Variants in SLC38A6 observed in about 807,000 individuals in gnomAD.
The protein encoded by SLC38A6 is solute carrier family 38 member 6, also known as N system amino acid transporter NAT-1.
In SLC38A6, 73 loss-of-function variants were observed where a neutral mutation model predicts 65.0. That is an observed-to-expected ratio of 1.12 (90% CI 0.93 to 1.37). The LOEUF (loss-of-function observed/expected upper bound fraction) is 1.37, where lower values mean the gene tolerates loss of function less well. Ranked by LOEUF, SLC38A6 falls within the 40% of genes most tolerant of loss-of-function variation. SLC38A6 has a pLI of 0.00. For missense variants in SLC38A6, 561 were observed against 531.1 expected (o/e 1.06, Z -0.55); for synonymous variants, 183 against 178.8 (o/e 1.02, Z -0.19).
chr14:61,053,386 T>G (rs1417977591), downstream of SLC38A6, among the ~76,000 whole-genome samples: 1 of 152,176 alleles, frequency 6.6e-6, no homozygotes, highest in Non-Finnish European at 1.5e-5. Flanking sequence ...ATAATTTATG[T>G]TCCTTGGGGT....
At chr14:61,036,933 T>C (rs565179315) in intron 6 of SLC38A6, 126 bp from the exon 7 acceptor site, 10 of 517,284 alleles carry the variant, frequency 1.9e-5, no homozygotes, top group East Asian at 1.7e-4. Flanking sequence ...AGGCTTTTCC[T>C]AATAGCTGGT....
At chr14:60,996,092 G>A (rs560886031) in intron 3 of SLC38A6, among the ~76,000 whole-genome samples, 2 of 152,322 alleles carry the variant, frequency 1.3e-5, no homozygotes, top group Admixed American at 6.5e-5. Context: ...TCTGGTGCAG[G>A]ATGTTGATTG....
At chr14:61,020,249 G>A (rs1237024914) in intron 5 of SLC38A6, among the ~76,000 whole-genome samples, 1 of 152,072 alleles carries the variant, frequency 6.6e-6, no homozygotes, top group Non-Finnish European at 1.5e-5. Flanking sequence ...AAGTTGCGTA[G>A]TGCTGAACAA....
intron 16 of SLC38A6, among the ~76,000 whole-genome samples, chr14:61,080,427 G>T (rs1271865875): frequency 2.0e-5 from 3 of 152,170 alleles, no homozygotes; most frequent in African/African-American, 7.2e-5. Flanking sequence ...ATTTGGAGCT[G>T]ACTCTCTCCT....
At chr14:61,040,049 T>G (rs2041693007) in intron 8 of SLC38A6, among the ~76,000 whole-genome samples, 2 of 151,702 alleles carry the variant, frequency 1.3e-5, no homozygotes, top group South Asian at 2.1e-4. Flanking sequence ...TTTTGGTAAA[T>G]TTACTTTTTT....
intron 9 of SLC38A6, 98 bp from the exon 10 acceptor site, chr14:61,043,352 T>C: frequency 2.7e-6 from 3 of 1,127,224 alleles, no homozygotes; most frequent in Non-Finnish European, 2.5e-6. Flanking sequence ...ATACTTTCAT[T>C]TGAAAGCCTA....
At chr14:61,046,811 A>G (rs932507465) in intron 12 of SLC38A6, among the ~76,000 whole-genome samples, 1 of 152,188 alleles carries the variant, frequency 6.6e-6, no homozygotes, top group African/African-American at 2.4e-5. Flanking sequence ...ACCTCAAGAA[A>G]AAGTAAAGTT....
At chr14:60,993,118 G>T (rs1318898421) in intron 3 of SLC38A6, among the ~76,000 whole-genome samples, 1 of 152,146 alleles carries the variant, frequency 6.6e-6, no homozygotes, top group Non-Finnish European at 1.5e-5. Context: ...AAACGGTTGG[G>T]ATTACAGGCG....
intron 5 of SLC38A6, among the ~76,000 whole-genome samples, chr14:61,021,156 C>T (rs961887661): frequency 6.6e-6 from 1 of 152,108 alleles, no homozygotes; most frequent in East Asian, 1.9e-4. Flanking sequence ...TGCCTCATTT[C>T]TCTTTGTACT....
intron 8 of SLC38A6, among the ~76,000 whole-genome samples, chr14:61,042,629 A>G (rs2041880070): frequency 6.6e-6 from 1 of 152,088 alleles, no homozygotes; most frequent in Non-Finnish European, 1.5e-5. Context: ...AGCTTTCTCC[A>G]CATTAACCAA....
At chr14:60,995,269 G>A (rs1199181620) in intron 3 of SLC38A6, among the ~76,000 whole-genome samples, 1 of 152,144 alleles carries the variant, frequency 6.6e-6, no homozygotes, top group African/African-American at 2.4e-5. Flanking sequence ...TGATATGTAC[G>A]TACAGTGCAA....
At chr14:61,043,586 T>A in intron 10 of SLC38A6, 83 bp downstream of exon 10, 1 of 929,740 alleles carries the variant, frequency 1.1e-6, no homozygotes, top group Non-Finnish European at 1.7e-6. Flanking sequence ...GTCTCTTAGG[T>A]CTTTGTACCT....
chr14:61,010,814 C>G (rs999880694), intron 3 of SLC38A6, among the ~76,000 whole-genome samples: 2 of 152,232 alleles, frequency 1.3e-5, no homozygotes, highest in Admixed American at 1.3e-4. Flanking sequence ...AGTCAGGTAG[C>G]GTGATGCCTC....
rs535293028 is a variant in SLC38A6, at chr14:61,041,969, G to T, written c.625-1178G>T. 3.1e-4 allele frequency among the ~76,000 whole-genome samples: 47 copies of T among 149,710 alleles called. No homozygotes were observed. In the East Asian group the frequency reaches 5.1e-3, roughly 16 times the overall value. On this transcript the variant is annotated intron_variant, in intron 8 of 15. Transcript: ENST00000267488. ...CACCTCATCCTCATCGTTTTTTTTT[G>T]TTGTTGTTGTTTTTCTTTGAAAACC...
At chr14:61,013,224 T>C (rs980006924) in intron 3 of SLC38A6, among the ~76,000 whole-genome samples, 4 of 152,232 alleles carry the variant, frequency 2.6e-5, no homozygotes, top group Admixed American at 1.3e-4. Context: ...TTTTTTTGTT[T>C]TCCGTTTGCT....
Position 61,015,870 on chromosome 14 carries a change from G to T in SLC38A6, c.311-34G>T, listed in dbSNP as rs373760093. On this transcript the variant is annotated intron_variant, in intron 3 of 15. Transcript: ENST00000267488. ...TAGGACCTGACACATAAATAGTTTT[G>T]TGTAAAAGTGAACATTGTAATTTCT... The T allele has an allele frequency of 2.8e-5, 44 of 1,562,742 alleles. No homozygotes were observed. The African/African-American group carries it at 3.3e-4, about 12-fold the overall frequency.
chr14:61,007,607 A>C (rs1183628381), intron 3 of SLC38A6, among the ~76,000 whole-genome samples: 4 of 152,136 alleles, frequency 2.6e-5, no homozygotes. Context: ...GTGCCAGTGC[A>C]CTCTAGCTTG....
intron 9 of SLC38A6, 62 bp from the exon 10 acceptor site, chr14:61,043,388 T>A (rs1226533248): frequency 2.3e-6 from 3 of 1,297,402 alleles, no homozygotes; most frequent in Non-Finnish European, 3.2e-6. Context: ...TCATTTTTAT[T>A]GATATATTCT....
intron 15 of SLC38A6, 60 bp from the exon 16 acceptor site, chr14:61,052,288 TA>T: frequency 7.2e-7 from 1 of 1,397,096 alleles, no homozygotes; most frequent in Non-Finnish European, 9.7e-7. Flanking sequence ...AATCCAATTG[TA>T]TTTTTTTATC....
Sources: gnomAD v4.1 joint callset for allele counts (sites outside exome capture counted in the v4.1 genomes callset) on GRCh38, gnomAD v4.1.1 for gene constraint, MANE v1.5 for transcripts, NCBI Gene and HGNC (gene_info 2026-07-23, HGNC 2026-07-21) for gene names.